The following RAPGEF4 variants were observed in gnomAD, a reference collection of about 807,000 sequenced individuals.
RAPGEF4 encodes Rap guanine nucleotide exchange factor 4.
Under a neutral mutation model 147.9 loss-of-function variants are expected in RAPGEF4, and 66 were observed. The ratio of observed to expected loss-of-function variants is 0.45; its 90% CI spans 0.37 to 0.55. RAPGEF4 has a LOEUF of 0.55. Among genes scored for constraint, RAPGEF4 ranks in the 20% least tolerant of loss-of-function variants. The pLI, the probability that RAPGEF4 is intolerant of heterozygous loss-of-function variation, is 0.00. For missense variants in RAPGEF4, 1,071 were observed against 1,257.3 expected, an observed-to-expected ratio of 0.85 and a Z score of 2.24; for synonymous variants, 419 against 442.7, an observed-to-expected ratio of 0.95 and a Z score of 0.67.
intron 4 of RAPGEF4, among the ~76,000 whole-genome samples, chr2:172,818,599 C>CTT (rs1330420222): frequency 1.3e-5 from 2 of 152,130 alleles, no homozygotes; most frequent in Admixed American, 6.5e-5. Flanking sequence ...TTATGTTGGG[C>CTT]TTTGTCTCCT....
intron 4 of RAPGEF4, among the ~76,000 whole-genome samples, chr2:172,890,960 T>G (rs1012877907): frequency 6.6e-6 from 1 of 152,120 alleles, no homozygotes; most frequent in African/African-American, 2.4e-5. Flanking sequence ...CGAAACCCCG[T>G]CTCTACTAAA....
At chr2:172,870,664 T>C (rs575205115) in intron 4 of RAPGEF4, among the ~76,000 whole-genome samples, 1 of 152,318 alleles carries the variant, frequency 6.6e-6, no homozygotes, top group South Asian at 2.1e-4. Flanking sequence ...ATGTTTCAGT[T>C]TGACCATGAC....
At position 173,017,478 on chromosome 2, in the gene RAPGEF4, G is replaced by A. The variant is rs779625883; in HGVS notation, c.1982G>A (p.Arg661His). Residue 661 changes from arginine to histidine, a missense_variant, in exon 21 of 31, where the codon CGC becomes CAC. Arg to His is a conservative substitution (Grantham distance 29). Transcript: ENST00000397081. ...FNTGDERAQKRQPIRGSDEVL... is the reference protein window; with the variant it reads ...FNTGDERAQKHQPIRGSDEVL... ...ACGGGCGATGAGAGAGCCCAGAAGC[G>A]CCAGCCTATCCGCGGCTCTGATGAA... is the stretch of plus-strand genomic sequence containing the variant. 10 of 1,614,078 alleles carry A rather than the reference G, an allele frequency of 6.2e-6. No individual in the cohort carries two copies. The highest frequency in any genetic ancestry group is 8.5e-6 in the Non-Finnish European group (10 of 1,179,982).
chr2:172,743,530 C>G (rs1694493437), intron 1 of RAPGEF4, among the ~76,000 whole-genome samples: 1 of 152,180 alleles, frequency 6.6e-6, no homozygotes, highest in Non-Finnish European at 1.5e-5. Flanking sequence ...GTATTTTTGT[C>G]TGTTGGATAT....
intron 10 of RAPGEF4, among the ~76,000 whole-genome samples, chr2:172,973,523 A>C (rs1476985192): frequency 1.3e-5 from 2 of 152,188 alleles, no homozygotes; most frequent in Non-Finnish European, 2.9e-5. Context: ...AGATGCTGGG[A>C]AAGTTCCCGC....
chr2:172,965,470 C>T, intron 8 of RAPGEF4, 92 bp from the exon 9 acceptor site: 1 of 1,399,882 alleles, frequency 7.1e-7, no homozygotes, highest in Non-Finnish European at 1.0e-6. Flanking sequence ...GATCATTAAG[C>T]CCTTTGGTAG....
chr2:172,768,615 A>G (rs1018810008), intron 1 of RAPGEF4, among the ~76,000 whole-genome samples: 8 of 152,094 alleles, frequency 5.3e-5, no homozygotes, highest in Admixed American at 2.0e-4. Flanking sequence ...CGGTGACATC[A>G]TTAGCATAAT....
At chr2:173,049,833 G>T (rs1349799163) in intron 30 of RAPGEF4, among the ~76,000 whole-genome samples, 1 of 152,154 alleles carries the variant, frequency 6.6e-6, no homozygotes, top group African/African-American at 2.4e-5. Context: ...AATTTACGTT[G>T]TGTTTAAAGA....
chr2:172,926,829 C>T (rs554767421), intron 6 of RAPGEF4, among the ~76,000 whole-genome samples: 1 of 152,308 alleles, frequency 6.6e-6, no homozygotes, highest in African/African-American at 2.4e-5. Context: ...CTCAGCCTCT[C>T]AAAGTGCTGG....
intron 4 of RAPGEF4, among the ~76,000 whole-genome samples, chr2:172,842,812 A>C (rs1195693216): frequency 6.6e-6 from 1 of 152,172 alleles, no homozygotes; most frequent in Non-Finnish European, 1.5e-5. Flanking sequence ...CCTTGCTTTT[A>C]ACATCTTCAA....
At chr2:172,908,505 G>A (rs2149994650) in intron 4 of RAPGEF4, among the ~76,000 whole-genome samples, 1 of 152,338 alleles carries the variant, frequency 6.6e-6, no homozygotes, top group East Asian at 1.9e-4. Context: ...TCTTAACAGA[G>A]GGTAGAGTCC....
At chr2:172,807,054 G>A (rs1036376440) in intron 3 of RAPGEF4, among the ~76,000 whole-genome samples, 1 of 152,048 alleles carries the variant, frequency 6.6e-6, no homozygotes, top group Non-Finnish European at 1.5e-5. Context: ...TTTTTTCTGA[G>A]CACATTTATT....
At chr2:172,824,247 G>A (rs959049477) in intron 4 of RAPGEF4, among the ~76,000 whole-genome samples, 1 of 152,154 alleles carries the variant, frequency 6.6e-6, no homozygotes, top group East Asian at 1.9e-4. Context: ...TTTCCATGCC[G>A]GGACTTTTGA....
intron 10 of RAPGEF4, among the ~76,000 whole-genome samples, chr2:172,983,136 A>C (rs957943958): frequency 6.6e-6 from 1 of 152,224 alleles, no homozygotes; most frequent in Non-Finnish European, 1.5e-5. Flanking sequence ...AGTGGTGTTA[A>C]AAGACAAGTT....
chr2:172,881,806 G>C (rs907211116), intron 4 of RAPGEF4, among the ~76,000 whole-genome samples: 1 of 152,126 alleles, frequency 6.6e-6, no homozygotes, highest in African/African-American at 2.4e-5. Flanking sequence ...AGACTACTTT[G>C]GTATGCCTTA....
At chr2:172,832,699 C>A (rs751360339) in intron 4 of RAPGEF4, among the ~76,000 whole-genome samples, 7 of 152,204 alleles carry the variant, frequency 4.6e-5, no homozygotes, top group Non-Finnish European at 8.8e-5. Context: ...AAAACTGATT[C>A]AACTGTTTTC....
At chr2:172,798,445 A>G (rs1209042378) in intron 3 of RAPGEF4, among the ~76,000 whole-genome samples, 2 of 152,194 alleles carry the variant, frequency 1.3e-5, no homozygotes, top group East Asian at 1.9e-4. Flanking sequence ...AGTATGACCC[A>G]TAAAAGGCCA....
intron 4 of RAPGEF4, among the ~76,000 whole-genome samples, chr2:172,885,168 G>A (rs930595775): frequency 6.6e-6 from 1 of 152,250 alleles, no homozygotes; most frequent in Admixed American, 6.5e-5. Context: ...GAATGCCCCA[G>A]CTTCTGCATC....
chr2:173,023,348 A>G (rs988781346), intron 23 of RAPGEF4, among the ~76,000 whole-genome samples: 1 of 152,208 alleles, frequency 6.6e-6, no homozygotes, highest in Non-Finnish European at 1.5e-5. Flanking sequence ...GTCTGTGGGT[A>G]AGCAGCTTTC....
Sources: gnomAD v4.1 joint callset for allele counts (sites outside exome capture counted in the v4.1 genomes callset) on GRCh38, gnomAD v4.1.1 for gene constraint, MANE v1.5 for transcripts, NCBI Gene and HGNC (gene_info 2026-07-23, HGNC 2026-07-21) for gene names.